The following MGAT4A variants were observed in gnomAD, a reference collection of about 807,000 sequenced individuals.
The protein encoded by MGAT4A is N-acetylglucosaminyltransferase IVa.
A neutral mutation model predicts 74.1 loss-of-function variants in MGAT4A; 33 were observed. The ratio of observed to expected loss-of-function variants is 0.45; its 90% CI spans 0.34 to 0.60. The LOEUF (loss-of-function observed/expected upper bound fraction) is 0.60. Ranked by LOEUF, MGAT4A falls within the 20% of genes least tolerant of loss-of-function variation. MGAT4A has a pLI of 0.02. For missense variants in MGAT4A, 479 were observed against 628.3 expected (o/e 0.76, Z 2.54); for synonymous variants, 198 against 210.4 (o/e 0.94, Z 0.51).
chr2:98,625,139 G>T lies in MGAT4A; in HGVS notation c.*427C>A. ...TAAATTAATTCCATAACATTTTTAT[G>T]TATATTTATATATTTATATATATAA... On this transcript the variant is annotated 3_prime_UTR_variant, in exon 16 of 16. Transcript: ENST00000393487. 7 of 810,488 alleles carry T rather than the reference G, an allele frequency of 8.6e-6. No homozygotes were observed. Among genetic ancestry groups the T allele is most frequent in the Non-Finnish European group, 1.0e-5 (7 of 671,106 alleles). 50.2% of individuals were successfully genotyped at this position (810,488 alleles called of 1,614,324 possible). A position where few individuals can be genotyped will look rare whatever the true frequency, so the allele number is the denominator to read the frequency against.
Position 98,623,244 on chromosome 2 carries a change from T to C in MGAT4A, c.*2322A>G. The C allele has an allele frequency of 1.0e-6, 1 of 985,418 alleles. No homozygotes were observed. The highest frequency in any genetic ancestry group is 4.7e-5 in the South Asian group (1 of 21,290). 61.0% of individuals were successfully genotyped at this position (985,418 alleles called of 1,614,324 possible). ...TTCTTGGGAACAACAGGTGGACCAATGCTGGGAGGGCAAACTGCATGAAAA... is the reference window on the plus strand; with the variant it reads ...TTCTTGGGAACAACAGGTGGACCAACGCTGGGAGGGCAAACTGCATGAAAA... On this transcript the variant is annotated 3_prime_UTR_variant, in exon 16 of 16. Transcript: ENST00000393487.
chr2:98,639,769 C>A, intron 12 of MGAT4A, 39 bp downstream of exon 12: 1 of 1,523,100 alleles, frequency 6.6e-7, no homozygotes, highest in Non-Finnish European at 9.0e-7. Flanking sequence ...AATAAGAGAT[C>A]CAAATTGTAA....
Position 98,622,508 on chromosome 2 carries a change from C to G in MGAT4A, c.*3058G>C. The G allele has an allele frequency of 2.0e-6, 2 of 985,480 alleles. No individual in the cohort carries two copies. Among genetic ancestry groups the G allele is most frequent in the Non-Finnish European group, 2.4e-6 (2 of 829,962 alleles). The allele number at this position is 985,480 out of a possible 1,614,324, so 61.0% of individuals were successfully genotyped here. On this transcript the variant is annotated 3_prime_UTR_variant, in exon 16 of 16. Coordinates refer to ENST00000393487, the MANE Select transcript of MGAT4A (RefSeq NM_012214.3). ...TTGGTAAAATGATTCGGCGCCCTCT[C>G]AAGGCAAAGTATTTACCTTCTTCCA...
chr2:98,666,873 G>A (rs1701838985), intron 4 of MGAT4A, among the ~76,000 whole-genome samples: 1 of 152,104 alleles, frequency 6.6e-6, no homozygotes, highest in South Asian at 2.1e-4. Flanking sequence ...ACTCTCGAGG[G>A]TTTTTGGTTT....
intron 14 of MGAT4A, among the ~76,000 whole-genome samples, chr2:98,632,768 T>G (rs537478143): frequency 7.9e-4 from 121 of 152,210 alleles, no homozygotes; most frequent in Non-Finnish European, 5.9e-5. Context: ...GTTTTTGTCT[T>G]GTTTTGTTTT....
At chr2:98,689,709 G>A (rs2104301181) in intron 2 of MGAT4A, among the ~76,000 whole-genome samples, 1 of 152,298 alleles carries the variant, frequency 6.6e-6, no homozygotes, top group South Asian at 2.1e-4. Context: ...TGTAGTCCCA[G>A]CTACTCGGGA....
At chr2:98,665,303 T>C (rs1342283860) in intron 4 of MGAT4A, among the ~76,000 whole-genome samples, 1 of 126,744 alleles carries the variant, frequency 7.9e-6, no homozygotes, top group African/African-American at 3.2e-5. Context: ...CACACCAGCC[T>C]GGGCAACACA....
chr2:98,719,892 C>G (rs1038536498), intron 2 of MGAT4A, among the ~76,000 whole-genome samples: 1 of 152,152 alleles, frequency 6.6e-6, no homozygotes, highest in African/African-American at 2.4e-5. Flanking sequence ...GGCGATCCAC[C>G]TGCCTCAGCC....
intron 2 of MGAT4A, among the ~76,000 whole-genome samples, chr2:98,684,989 T>G (rs1008951627): frequency 6.6e-6 from 1 of 152,142 alleles, no homozygotes; most frequent in African/African-American, 2.4e-5. Context: ...GAAATCCCAG[T>G]GCTCTGGGAG....
intron 2 of MGAT4A, among the ~76,000 whole-genome samples, chr2:98,687,183 G>A (rs1702142067): frequency 6.6e-6 from 1 of 152,132 alleles, no homozygotes; most frequent in African/African-American, 2.4e-5. Flanking sequence ...TATTCTGAAA[G>A]CTATAATGCG....
At chr2:98,709,123 A>T (rs1702480131) in intron 2 of MGAT4A, among the ~76,000 whole-genome samples, 1 of 152,156 alleles carries the variant, frequency 6.6e-6, no homozygotes, top group Admixed American at 6.5e-5. Flanking sequence ...GAGTGTCTTC[A>T]TGTCAAACAG....
At chr2:98,650,866 T>C (rs1347897296) in intron 8 of MGAT4A, among the ~76,000 whole-genome samples, 1 of 152,002 alleles carries the variant, frequency 6.6e-6, no homozygotes, top group Non-Finnish European at 1.5e-5. Context: ...CAGAATGGCG[T>C]GAACCCGGAA....
chr2:98,646,896 G>A (rs1701493736), intron 8 of MGAT4A, among the ~76,000 whole-genome samples: 1 of 152,174 alleles, frequency 6.6e-6, no homozygotes, highest in Non-Finnish European at 1.5e-5. Context: ...GGTGAACATA[G>A]TACCCAATAG....
At chr2:98,682,422 C>CAAAAAA (rs1013377462) in intron 2 of MGAT4A, among the ~76,000 whole-genome samples, 17 of 36,364 alleles carry the variant, frequency 4.7e-4, no homozygotes, top group East Asian at 2.8e-3. Flanking sequence ...AATTCCATCT[C>CAAAAAA]AAAAAAAAAA....
chr2:98,726,423 C>T lies in MGAT4A; in HGVS notation c.-91G>A. ...CCCTGAAAGTCAACTGAATGCAGTA[C>T]TCCTGGCTCTAGGCCAATAAAAATC... is the stretch of plus-strand genomic sequence containing the variant. On this transcript the variant is annotated 5_prime_UTR_variant, in exon 2 of 16. Coordinates refer to ENST00000393487, the MANE Select transcript of MGAT4A (RefSeq NM_012214.3). 1 of 1,013,026 alleles carries T rather than the reference C, an allele frequency of 9.9e-7. No homozygotes were observed. The highest frequency in any genetic ancestry group is 1.5e-6 in the Non-Finnish European group (1 of 675,798). 62.8% of individuals were successfully genotyped at this position (1,013,026 alleles called of 1,614,324 possible).
In MGAT4A at chr2:98,622,578, G is replaced by A. The variant is rs1701077388; in HGVS notation, c.*2988C>T. 1 of 985,388 alleles carries A rather than the reference G, an allele frequency of 1.0e-6. No individual in the cohort carries two copies. Among genetic ancestry groups the A allele is most frequent in the African/African-American group, 1.7e-5 (1 of 57,312 alleles). 61.0% of individuals were successfully genotyped at this position (985,388 alleles called of 1,614,324 possible). A position where few individuals can be genotyped will look rare whatever the true frequency, so the allele number is the denominator to read the frequency against. On this transcript the variant is annotated 3_prime_UTR_variant, in exon 16 of 16. Coordinates refer to ENST00000393487, the MANE Select transcript of MGAT4A (RefSeq NM_012214.3). ...TCCCTTAATCTTCTGCCCTCACACT[G>A]CTCTTAAGGGCGACCACTACAATTT... is the stretch of plus-strand genomic sequence containing the variant.
chr2:98,726,117 A>C lies in MGAT4A; in HGVS notation c.94+122T>G, dbSNP rs1559178260. 8.2e-6 allele frequency: 5 copies of C among 608,386 alleles called. No homozygotes were observed. The East Asian group carries it at 1.4e-4, about 17-fold the overall frequency. 37.7% of individuals were successfully genotyped at this position (608,386 alleles called of 1,614,324 possible). ...TGTTTCATTTTTATATCAGAAAGAA[A>C]CTGCCAGCAGATAGCATGTAACATG... is the stretch of plus-strand genomic sequence containing the variant. On this transcript the variant is annotated intron_variant, in intron 2 of 15. Coordinates refer to ENST00000393487, the MANE Select transcript of MGAT4A (RefSeq NM_012214.3).
chr2:98,710,105 A>G (rs1032485228), intron 2 of MGAT4A, among the ~76,000 whole-genome samples: 2 of 152,228 alleles, frequency 1.3e-5, no homozygotes. Context: ...TAACCCTCAT[A>G]GACACCCAAA....
chr2:98,674,821 T>G lies in MGAT4A; in HGVS notation c.403+214A>C, dbSNP rs569268715. ...TGTCTGCCTGGGATGGGGCCTGAAC[T>G]AGATTTCACATGATCCCTTTCAGCT... On this transcript the variant is annotated intron_variant, in intron 4 of 15. Transcript: ENST00000393487. 2.0e-5 allele frequency among the ~76,000 whole-genome samples: 3 copies of G among 152,302 alleles called. No homozygotes were observed. In the East Asian group the frequency reaches 5.8e-4, roughly 29 times the overall value.
Sources: gnomAD v4.1 joint callset for allele counts (sites outside exome capture counted in the v4.1 genomes callset) on GRCh38, gnomAD v4.1.1 for gene constraint, MANE v1.5 for transcripts, NCBI Gene and HGNC (gene_info 2026-07-23, HGNC 2026-07-21) for gene names.